CUL9: variants seen among roughly 807,000 people sequenced by gnomAD.
The protein encoded by CUL9 is cullin-9.
In CUL9, 79 loss-of-function variants were observed where a neutral mutation model predicts 272.6. The ratio of observed to expected loss-of-function variants is 0.29; its 90% CI spans 0.24 to 0.35. The LOEUF is 0.35. Among genes scored for constraint, CUL9 ranks in the 10% least tolerant of loss-of-function variants. The pLI, the probability that CUL9 is intolerant of heterozygous loss-of-function variation, is 1.00. For missense variants in CUL9, 2,532 were observed against 3,255.6 expected, an observed-to-expected ratio of 0.78 and a Z score of 5.41; for synonymous variants, 1,186 against 1,286.5, an observed-to-expected ratio of 0.92 and a Z score of 1.67.
chr6:43,201,285 A>G (rs1384413177), intron 16 of CUL9, among the ~76,000 whole-genome samples: 2 of 152,194 alleles, frequency 1.3e-5, no homozygotes, highest in Non-Finnish European at 2.9e-5. Context: ...ACTGACAGGC[A>G]TGAGAGCAGA....
rs16896327 is a variant in CUL9 at position 43,194,023 on chromosome 6, C to G, written c.2388+815C>G. Among the ~76,000 whole-genome samples, 66 of 152,190 alleles carry G rather than the reference C, an allele frequency of 4.3e-4. 1 individual carries two copies. The East Asian group carries it at 8.9e-3, about 20-fold the overall frequency. On this transcript the variant is annotated intron_variant, in intron 9 of 40. Coordinates refer to ENST00000252050, the MANE Select transcript of CUL9 (RefSeq NM_015089.4). ...CCAGCATTGCCATTGCCCAGAGAAT[C>G]GGGAAGGAAGGCCCTTATCCAGAGT...
Position 43,205,023 on chromosome 6 carries a change from G to A in CUL9, c.4540G>A (p.Glu1514Lys), listed in dbSNP as rs548047360. 13 of 1,613,220 alleles carry A rather than the reference G, an allele frequency of 8.1e-6. No homozygotes were observed. The highest frequency in any genetic ancestry group is 6.6e-5 in the South Asian group (6 of 91,008). Reference protein sequence around the residue: ...LYEHLQRAGSELFGPRAAFML... With the variant: ...LYEHLQRAGSKLFGPRAAFML... ...TGAGCACTTGCAGAGAGCAGGCTCCGAGCTGTTTGGGCCTCGGGCAGCCTT... is the reference window on the plus strand; with the variant it reads ...TGAGCACTTGCAGAGAGCAGGCTCCAAGCTGTTTGGGCCTCGGGCAGCCTT... Residue 1514 changes from glutamate to lysine, a missense_variant, in exon 23 of 41, where the codon GAG becomes AAG. Around this residue, in one of 3 missense-constraint regions of CUL9, gnomAD observed 2,218 missense variants for 2,788.6 expected, o/e 0.80. Transcript: ENST00000252050.
intron 31 of CUL9, among the ~76,000 whole-genome samples, chr6:43,217,154 G>A (rs1400433759): frequency 6.6e-6 from 1 of 152,086 alleles, no homozygotes; most frequent in African/African-American, 2.4e-5. Flanking sequence ...CCAGGAGTTC[G>A]AGACCAGCCT....
At chr6:43,196,527 C>T (rs1055697036) in intron 10 of CUL9, 118 bp from the exon 11 acceptor site, 3 of 980,676 alleles carry the variant, frequency 3.1e-6, no homozygotes, top group Admixed American at 1.7e-5. Flanking sequence ...GATGTCCTGG[C>T]TCAGAGGGCC....
chr6:43,201,434 GTCA>G (rs1223684224), intron 16 of CUL9, among the ~76,000 whole-genome samples: 44 of 152,124 alleles, frequency 2.9e-4, no homozygotes, highest in Admixed American at 2.9e-3. Flanking sequence ...GGGACTTTAA[GTCA>G]TCATATTTGG....
chr6:43,216,257 G>A lies in CUL9; in HGVS notation c.6036G>A (p.Gln2012=), dbSNP rs1257525507. 2 of 1,613,768 alleles carry A rather than the reference G, an allele frequency of 1.2e-6. No individual in the cohort carries two copies. The highest frequency in any genetic ancestry group is 1.3e-5 in the African/African-American group (1 of 74,928). Residue 2012 remains glutamine, a synonymous_variant, in exon 31 of 41, where the codon CAG becomes CAA. Transcript: ENST00000252050. ...VEGLMKQTVR[Q]VQETLNLEPD... ...GGTTGATGAAGCAGACGGTGCGTCAGGTGCAGGAGACGCTGAACTTAGAGC... is the reference window on the plus strand; with the variant it reads ...GGTTGATGAAGCAGACGGTGCGTCAAGTGCAGGAGACGCTGAACTTAGAGC...
At chr6:43,201,544 A>G (rs1269395822) in intron 16 of CUL9, among the ~76,000 whole-genome samples, 2 of 152,100 alleles carry the variant, frequency 1.3e-5, no homozygotes, top group Middle Eastern at 3.2e-3. Context: ...CAGTGGTGTG[A>G]TCTCAGCTCA....
Position 43,186,129 on chromosome 6 carries a change from C to T in CUL9, c.925C>T (p.Leu309Phe). 2.5e-6 allele frequency: 4 copies of T among 1,614,242 alleles called. No homozygotes were observed. The highest frequency in any genetic ancestry group is 3.4e-6 in the Non-Finnish European group (4 of 1,180,036). ...ELEFSMAVGN[L>F]ISELVRSMGW... ...GGAGTTCAGCATGGCTGTGGGCAAC[C>T]TCATCTCTGAGCTTGTGCGGAGCAT... Residue 309 changes from leucine (L) to phenylalanine (F), a missense_variant, in exon 4 of 41, where the codon CTC becomes TTC. Around this residue, in one of 3 missense-constraint regions of CUL9, gnomAD observed 2,218 missense variants for 2,788.6 expected, o/e 0.80. Transcript: ENST00000252050.
At chr6:43,211,991 T>C (rs1775540572) in intron 26 of CUL9, among the ~76,000 whole-genome samples, 1 of 152,234 alleles carries the variant, frequency 6.6e-6, no homozygotes. Flanking sequence ...CCTTACTCTA[T>C]AGGTTTCCAC....
chr6:43,188,381 A>T, intron 7 of CUL9, 142 bp from the exon 8 acceptor site: 1 of 884,294 alleles, frequency 1.1e-6, no homozygotes, highest in Admixed American at 3.0e-5. Context: ...TAGATCCCTG[A>T]CACAGAATTG....
chr6:43,220,701 T>G lies in CUL9; in HGVS notation c.6424-46T>G, dbSNP rs754991041. On this transcript the variant is annotated intron_variant, in intron 32 of 40. Coordinates refer to ENST00000252050, the MANE Select transcript of CUL9 (RefSeq NM_015089.4). The surrounding 1 kb of genome is among the most constrained non-coding windows in gnomAD (Gnocchi z 4.9). ...GTGCTGGGGGCCTGGAGGTGTGGCA[T>G]CCTGGAGAGCCATACCCTCACCTCG... 9 of 1,604,634 alleles carry G rather than the reference T, an allele frequency of 5.6e-6. No individual in the cohort carries two copies. The highest frequency in any genetic ancestry group is 7.7e-6 in the Non-Finnish European group (9 of 1,174,744).
At position 43,218,789 on chromosome 6, in the gene CUL9, G is replaced by A. The variant is rs777462987; in HGVS notation, c.6283-1670G>A. ...CTGAGCACCTGGGTGGATGGCATGTGTCATCTTTACTCTGTTGTGGCCCTG... is the reference window on the plus strand; with the variant it reads ...CTGAGCACCTGGGTGGATGGCATGTATCATCTTTACTCTGTTGTGGCCCTG... On this transcript the variant is annotated intron_variant, in intron 31 of 40. Transcript: ENST00000252050. The surrounding 1 kb of genome is among the most constrained non-coding windows in gnomAD (Gnocchi z 4.4). Among the ~76,000 whole-genome samples, 1 of 152,196 alleles carries A rather than the reference G, an allele frequency of 6.6e-6. No homozygotes were observed. The highest frequency in any genetic ancestry group is 6.5e-5 in the Admixed American group (1 of 15,276).
In CUL9 at chr6:43,206,352, A is replaced by G; in HGVS notation, c.5054A>G (p.Glu1685Gly). 6.2e-7 allele frequency: 1 copy of G among 1,614,082 alleles called. No individual in the cohort carries two copies. Among genetic ancestry groups the G allele is most frequent in the South Asian group, 1.1e-5 (1 of 91,078 alleles). The change falls in exon 26 of 41, where the codon GAA (glutamate) becomes GGA (glycine). Residue 1685 changes from glutamate (E) to glycine (G), a missense_variant. Glu to Gly is a moderately conservative substitution (Grantham distance 98). Coordinates refer to ENST00000252050, the MANE Select transcript of CUL9 (RefSeq NM_015089.4). This position sits in a 1 kb window ranked among gnomAD's most constrained non-coding sequence, Gnocchi z 4.8. ...EEEEEEEAEKELFIEDPSPAI... is the reference protein window; with the variant it reads ...EEEEEEEAEKGLFIEDPSPAI... Reference sequence around the variant, plus strand: ...GAGGAGGAAGAGGAAGCTGAGAAAGAATTATTTATCGAAGATCCAAGTCCA... The same window carrying G: ...GAGGAGGAAGAGGAAGCTGAGAAAGGATTATTTATCGAAGATCCAAGTCCA...
intron 22 of CUL9, 38 bp downstream of exon 22, chr6:43,204,895 G>A (rs750665784): frequency 2.4e-5 from 38 of 1,612,000 alleles, no homozygotes; most frequent in Middle Eastern, 3.3e-4. Context: ...GAGGGGAGGG[G>A]CTGCTCCTTT....
Position 43,221,480 on chromosome 6 carries a change from A to C in CUL9, c.6752+159A>C, listed in dbSNP as rs1046257127. ...CTCCACGGTGACTTCCTGGATCTTA[A>C]TGTTCCTTCTCCCACTCGTAAGTCC... On this transcript the variant is annotated intron_variant, in intron 34 of 40. Transcript: ENST00000252050. This position sits in a 1 kb window ranked among gnomAD's most constrained non-coding sequence, Gnocchi z 4.2. 9.4e-6 allele frequency: 9 copies of C among 953,932 alleles called. No homozygotes were observed. Among genetic ancestry groups the C allele is most frequent in the Non-Finnish European group, 4.6e-6 (3 of 652,838 alleles). The allele number at this position is 953,932 out of a possible 1,614,324, so 59.1% of individuals were successfully genotyped here.
chr6:43,187,967 C>T lies in CUL9; in HGVS notation c.1836C>T (p.Leu612=). The T allele has an allele frequency of 6.2e-7, 1 of 1,614,046 alleles. No homozygotes were observed. Among genetic ancestry groups the T allele is most frequent in the Non-Finnish European group, 8.5e-7 (1 of 1,180,022 alleles). The change falls in exon 7 of 41, where the codon CTC becomes CTT. Residue 612 remains leucine, a synonymous_variant. Coordinates refer to ENST00000252050, the MANE Select transcript of CUL9 (RefSeq NM_015089.4). ...ASFSEEETES[L]KAKAEAPKTE... is the part of the protein sequence containing the mutation. ...TCTCAGAGGAAGAGACTGAGTCCCT[C>T]AAAGCAAAGGCCGAGGCCCCTAAGA...
At chr6:43,187,531 G>A in intron 6 of CUL9, 92 bp downstream of exon 6, 1 of 1,418,082 alleles carries the variant, frequency 7.1e-7, no homozygotes, top group Non-Finnish European at 9.7e-7. Flanking sequence ...ACCGCTTAGG[G>A]GGAGGCTGGA....
rs1775287332 is a variant in CUL9 at position 43,209,285 on chromosome 6, A to G, written c.5212+2775A>G. Among the ~76,000 whole-genome samples, 3 of 151,850 alleles carry G rather than the reference A, an allele frequency of 2.0e-5. No homozygotes were observed. The South Asian group carries it at 6.2e-4, about 32-fold the overall frequency. On this transcript the variant is annotated intron_variant, in intron 26 of 40. Coordinates refer to ENST00000252050, the MANE Select transcript of CUL9 (RefSeq NM_015089.4). Reference sequence around the variant, plus strand: ...CTCAGTCTCCCAAGTAGCTGGGACTACAGGTACCTGCCACCACGCCTGGCT... The same window carrying G: ...CTCAGTCTCCCAAGTAGCTGGGACTGCAGGTACCTGCCACCACGCCTGGCT...
At chr6:43,205,215 T>A in intron 23 of CUL9, 48 bp from the exon 24 acceptor site, 1 of 1,602,518 alleles carries the variant, frequency 6.2e-7, no homozygotes, top group Non-Finnish European at 8.5e-7. Context: ...AGTCTCCTAC[T>A]CCACTCCCTC....
Sources: allele counts gnomAD v4.1 joint callset (sites outside exome capture counted in the v4.1 genomes callset), GRCh38; gene constraint gnomAD v4.1.1; regional missense constraint gnomAD v4.1.1; non-coding constraint Gnocchi (gnomAD v3.1); transcripts MANE v1.5; gene names NCBI Gene and HGNC (gene_info 2026-07-23, HGNC 2026-07-21).